RPGRIP1: variants seen among roughly 807,000 people sequenced by gnomAD.
RPGRIP1 encodes X-linked retinitis pigmentosa GTPase regulator-interacting protein 1.
In RPGRIP1, 128 loss-of-function variants were observed where a neutral mutation model predicts 157.9. That is an observed-to-expected ratio of 0.81 (90% CI 0.70 to 0.94). RPGRIP1 has a LOEUF of 0.94. RPGRIP1 is among the 40% of genes least tolerant of loss of function. The pLI is 0.00. For synonymous variants in RPGRIP1, 554 were observed against 571.6 expected, an observed-to-expected ratio of 0.97 and a Z score of 0.44; for missense variants, 1,486 against 1,545.8, an observed-to-expected ratio of 0.96 and a Z score of 0.65.
At chr14:21,333,955 T>C (rs1429835902) in intron 20 of RPGRIP1, among the ~76,000 whole-genome samples, 2 of 146,584 alleles carry the variant, frequency 1.4e-5, no homozygotes, top group African/African-American at 5.1e-5. Flanking sequence ...AGACAGAGTC[T>C]CTTGTCGCCC....
chr14:21,283,342 G>T (rs550517283), intron 1 of RPGRIP1, among the ~76,000 whole-genome samples: 11 of 151,856 alleles, frequency 7.2e-5, no homozygotes, highest in African/African-American at 2.7e-4. Flanking sequence ...TCACACTGTC[G>T]CCCAGGCTGG....
chr14:21,311,838 G>A lies in RPGRIP1; in HGVS notation c.945G>A (p.Leu315=). 1 of 1,604,476 alleles carries A rather than the reference G, an allele frequency of 6.2e-7. No individual in the cohort carries two copies. The highest frequency in any genetic ancestry group is 8.5e-7 in the Non-Finnish European group (1 of 1,176,782). ...TTTTGACCCAGAATCAGGGAATCCTGAGTGCAGCCCATGAGGCCCTCCTCA... is the reference window on the plus strand; with the variant it reads ...TTTTGACCCAGAATCAGGGAATCCTAAGTGCAGCCCATGAGGCCCTCCTCA... ...ETLLQKNQGI[L]SAAHEALLKQ... is the part of the protein sequence containing the mutation. The change falls in exon 9 of 25, where the codon CTG becomes CTA. Residue 315 remains leucine (L), a synonymous_variant. Coordinates refer to ENST00000400017, the MANE Select transcript of RPGRIP1 (RefSeq NM_020366.4).
chr14:21,295,219 C>T (rs1880718042), intron 3 of RPGRIP1, among the ~76,000 whole-genome samples: 1 of 151,980 alleles, frequency 6.6e-6, no homozygotes, highest in Non-Finnish European at 1.5e-5. Context: ...GACCACAGGA[C>T]ACAGAGCATC....
intron 21 of RPGRIP1, among the ~76,000 whole-genome samples, chr14:21,338,034 A>G (rs1423673615): frequency 2.0e-5 from 3 of 151,776 alleles, no homozygotes; most frequent in African/African-American, 7.3e-5. Flanking sequence ...CTCCTGTCTC[A>G]CCCTCCCGAG....
At chr14:21,290,657 A>T (rs1484570440) in intron 2 of RPGRIP1, among the ~76,000 whole-genome samples, 1 of 152,108 alleles carries the variant, frequency 6.6e-6, no homozygotes, top group Non-Finnish European at 1.5e-5. Context: ...CTACTAAAAA[A>T]TACAAAAAAA....
At chr14:21,282,298 G>A (rs534365880) in intron 1 of RPGRIP1, among the ~76,000 whole-genome samples, 11 of 151,882 alleles carry the variant, frequency 7.2e-5, no homozygotes, top group South Asian at 4.1e-4. Flanking sequence ...GTGCAGTGGC[G>A]TGATCTCACC....
intron 7 of RPGRIP1, among the ~76,000 whole-genome samples, chr14:21,309,629 G>A (rs934845683): frequency 2.0e-5 from 3 of 152,186 alleles, no homozygotes; most frequent in Non-Finnish European, 4.4e-5. Context: ...CATGAGAGCA[G>A]AGGTGAGAAA....
At chr14:21,327,551 A>G in intron 17 of RPGRIP1, 72 bp from the exon 18 acceptor site, 2 of 1,230,342 alleles carry the variant, frequency 1.6e-6, no homozygotes, top group South Asian at 1.3e-5. Flanking sequence ...AAGGAAGTAG[A>G]TAAGGTGCTG....
At chr14:21,280,409 C>G (rs1880086328) in intron 1 of RPGRIP1, among the ~76,000 whole-genome samples, 2 of 151,906 alleles carry the variant, frequency 1.3e-5, no homozygotes, top group Non-Finnish European at 2.9e-5. Context: ...CATTGCCCGG[C>G]TAATTTTTGT....
intron 8 of RPGRIP1, among the ~76,000 whole-genome samples, chr14:21,311,397 C>G (rs1005472536): frequency 6.6e-6 from 1 of 151,954 alleles, no homozygotes; most frequent in African/African-American, 2.4e-5. Context: ...ATTAAAAATA[C>G]AAAAATTAGC....
chr14:21,302,726 C>A, intron 5 of RPGRIP1, 142 bp downstream of exon 5: 2 of 465,992 alleles, frequency 4.3e-6, no homozygotes, highest in Non-Finnish European at 7.7e-6. Flanking sequence ...GGTCAAATTC[C>A]AACTTCATTG....
At chr14:21,337,872 C>T (rs1021271099) in intron 21 of RPGRIP1, among the ~76,000 whole-genome samples, 3 of 151,282 alleles carry the variant, frequency 2.0e-5, no homozygotes, top group African/African-American at 7.3e-5. Flanking sequence ...TCTCCTGCCT[C>T]AGCTTCCCAA....
chr14:21,330,615 G>A (rs1010437053), intron 20 of RPGRIP1, among the ~76,000 whole-genome samples: 21 of 152,008 alleles, frequency 1.4e-4, no homozygotes, highest in African/African-American at 4.1e-4. Flanking sequence ...GCAGTGAGCC[G>A]AGATTGCACC....
chr14:21,303,487 T>C lies in RPGRIP1; in HGVS notation c.744T>C (p.Asp248=), dbSNP rs1443789802. The C allele has an allele frequency of 1.9e-6, 3 of 1,613,784 alleles. No homozygotes were observed. In the African/African-American group the frequency reaches 4.0e-5, roughly 22 times the overall value. Reference sequence around the variant, plus strand: ...CTCCTGAGAAAATGTGGCCTAAAGATGAAAATTTTGAACAGAGAAGCTCAT... The same window carrying C: ...CTCCTGAGAAAATGTGGCCTAAAGACGAAAATTTTGAACAGAGAAGCTCAT... ...PKSPEKMWPK[D]ENFEQRSSLE... The change falls in exon 6 of 25, where the codon GAT becomes GAC. Residue 248 remains aspartate, a synonymous_variant. Coordinates refer to ENST00000400017, the MANE Select transcript of RPGRIP1 (RefSeq NM_020366.4).
Position 21,315,974 on chromosome 14 carries a change from GTT to G in RPGRIP1, c.1152-1704_1152-1703del, listed in dbSNP as rs35698876. 2.5e-3 allele frequency among the ~76,000 whole-genome samples: 271 copies of G among 107,374 alleles called. 1 individual carries two copies. The highest frequency in any genetic ancestry group is 7.1e-3 in the African/African-American group (197 of 27,568). 70.4% of individuals were successfully genotyped at this position (107,374 alleles called of 152,430 possible). A position where few individuals can be genotyped will look rare whatever the true frequency, so the allele number is the denominator to read the frequency against. ...CCACCATGCCTGGCTAATTTTTGTG[GTT>G]TTTTTTTTTTTTTTTTTGAGACAAA... On this transcript the variant is annotated intron_variant, in intron 10 of 24. Transcript: ENST00000400017.
intron 20 of RPGRIP1, among the ~76,000 whole-genome samples, chr14:21,333,813 AC>A (rs1420897430): frequency 6.6e-6 from 1 of 151,902 alleles, no homozygotes. Context: ...CAAAAGATCC[AC>A]CTTAATTGAA....
Position 21,326,020 on chromosome 14 carries a change from T to G in RPGRIP1, c.2557T>G (p.Phe853Val), listed in dbSNP as rs755901634. ...CCCCTACTTTAGAGACCAGGCTCGATTCCCAGTGCTTGTGACCTCTGACCT... is the reference window on the plus strand; with the variant it reads ...CCCCTACTTTAGAGACCAGGCTCGAGTCCCAGTGCTTGTGACCTCTGACCT... ...NNPYFRDQAR[F>V]PVLVTSDLDH... Residue 853 changes from phenylalanine (F) to valine (V), a missense_variant, in exon 17 of 25, where the codon TTC (phenylalanine) becomes GTC (valine). Coordinates refer to ENST00000400017, the MANE Select transcript of RPGRIP1 (RefSeq NM_020366.4). The G allele has an allele frequency of 8.1e-6, 13 of 1,613,882 alleles. No homozygotes were observed. The highest frequency in any genetic ancestry group is 2.7e-5 in the African/African-American group (2 of 74,918).
At chr14:21,318,726 C>G (rs1212281115) in intron 11 of RPGRIP1, among the ~76,000 whole-genome samples, 2 of 152,174 alleles carry the variant, frequency 1.3e-5, no homozygotes, top group Non-Finnish European at 2.9e-5. Context: ...CCACCCGCCT[C>G]AGCCTCCCAA....
At chr14:21,316,179 A>G (rs1881796261) in intron 10 of RPGRIP1, among the ~76,000 whole-genome samples, 1 of 151,674 alleles carries the variant, frequency 6.6e-6, no homozygotes, top group South Asian at 2.1e-4. Flanking sequence ...GGGTTTCACC[A>G]TGTTGGGCAG....
Sources: gnomAD v4.1 joint callset for allele counts (sites outside exome capture counted in the v4.1 genomes callset) on GRCh38, gnomAD v4.1.1 for gene constraint, MANE v1.5 for transcripts, NCBI Gene and HGNC (gene_info 2026-07-23, HGNC 2026-07-21) for gene names.